Variants in NSD1 observed in about 807,000 individuals in gnomAD.
NSD1 encodes the protein nuclear receptor binding SET domain protein 1.
A neutral mutation model predicts 242.7 loss-of-function variants in NSD1; 26 were observed. That is an observed-to-expected ratio of 0.11 (90% CI 0.08 to 0.15). The LOEUF (loss-of-function observed/expected upper bound fraction) is 0.15. Ranked by LOEUF, NSD1 falls within the 10% of genes least tolerant of loss-of-function variation. The pLI, the probability that NSD1 is intolerant of heterozygous loss-of-function variation, is 1.00. For synonymous variants in NSD1, 1,106 were observed against 1,178.1 expected (o/e 0.94, Z 1.25); for missense variants, 2,495 against 3,272.8 (o/e 0.76, Z 5.80).
chr5:177,231,273 C>T (rs1302756194), intron 5 of NSD1, among the ~76,000 whole-genome samples: 1 of 151,682 alleles, frequency 6.6e-6, no homozygotes, highest in Non-Finnish European at 1.5e-5. Flanking sequence ...TTTGTAGGGA[C>T]GAGGTCTCGC....
At chr5:177,259,866 G>A in intron 13 of NSD1, 123 bp from the exon 14 acceptor site, 1 of 1,034,300 alleles carries the variant, frequency 9.7e-7, no homozygotes, top group South Asian at 1.4e-5. Flanking sequence ...CATCATCTTA[G>A]TGGTCATTCC....
intron 2 of NSD1, among the ~76,000 whole-genome samples, chr5:177,186,466 A>G (rs894525280): frequency 1.3e-5 from 2 of 152,098 alleles, no homozygotes; most frequent in East Asian, 3.9e-4. Flanking sequence ...GTTTTTTTAA[A>G]AAATCCTCAG....
intron 2 of NSD1, among the ~76,000 whole-genome samples, chr5:177,160,881 G>C (rs2149788869): frequency 6.6e-6 from 1 of 151,784 alleles, no homozygotes; most frequent in South Asian, 2.1e-4. Context: ...CAGTTCTCAT[G>C]CCTCAGCCTC....
At chr5:177,183,921 A>G (rs1760897096) in intron 2 of NSD1, among the ~76,000 whole-genome samples, 1 of 152,190 alleles carries the variant, frequency 6.6e-6, no homozygotes. Context: ...TATTTCATCT[A>G]ACATAATGAT....
intron 2 of NSD1, among the ~76,000 whole-genome samples, chr5:177,152,709 C>T (rs1757826501): frequency 6.6e-6 from 1 of 151,792 alleles, no homozygotes; most frequent in Non-Finnish European, 1.5e-5. Flanking sequence ...TGTGATCCGC[C>T]CGCCTCTGCT....
rs576132551 is a variant in NSD1, at chr5:177,297,141, C to A, written c.*1682C>A. 1.7e-5 allele frequency: 4 copies of A among 232,794 alleles called. No homozygotes were observed. The highest frequency in any genetic ancestry group is 1.2e-4 in the East Asian group (2 of 16,536). The allele number at this position is 232,794 out of a possible 1,614,324, so 14.4% of individuals were successfully genotyped here. On this transcript the variant is annotated 3_prime_UTR_variant, in exon 23 of 23. Transcript: ENST00000439151. ...CCAAAGTCTGTCTCTGAGGTTGAGA[C>A]ACTTGAACTCAGGCAGAGGGACGAG... is the stretch of plus-strand genomic sequence containing the variant.
Position 177,293,897 on chromosome 5 carries a change from A to T in NSD1, c.6529A>T (p.Met2177Leu). 1 of 1,614,102 alleles carries T rather than the reference A, an allele frequency of 6.2e-7. No individual in the cohort carries two copies. The highest frequency in any genetic ancestry group is 8.5e-7 in the Non-Finnish European group (1 of 1,180,022). The change falls in exon 23 of 23, where the codon ATG (methionine) becomes TTG (leucine). Residue 2177 changes from methionine to leucine, a missense_variant. Coordinates refer to ENST00000439151, the MANE Select transcript of NSD1 (RefSeq NM_022455.5). ...GAAGGAAGCAGCCTCCTTCTGTGAG[A>T]TGTGCCCCAGCTCCTTTTGTAAGCA... Reference protein sequence around the residue: ...CGKEAASFCEMCPSSFCKQHR... With the variant: ...CGKEAASFCELCPSSFCKQHR...
intron 13 of NSD1, 111 bp downstream of exon 13, chr5:177,257,262 G>T: frequency 2.2e-6 from 2 of 928,138 alleles, no homozygotes; most frequent in Non-Finnish European, 3.2e-6. Context: ...ACAGAGTCTC[G>T]CTGTGTTGCC....
At position 177,293,710 on chromosome 5, in the gene NSD1, T is replaced by C. The variant is rs555996964; in HGVS notation, c.6464-122T>C. On this transcript the variant is annotated intron_variant, in intron 22 of 22. Coordinates refer to ENST00000439151, the MANE Select transcript of NSD1 (RefSeq NM_022455.5). ...GGTGGCTGGTGAGTGGCATAAGCTC[T>C]CTGAAGCAGGGACAGTGTGAAGGAA... is the stretch of plus-strand genomic sequence containing the variant. 2.3e-5 allele frequency: 25 copies of C among 1,086,786 alleles called. No individual in the cohort carries two copies. In the East Asian group the frequency reaches 4.6e-4, roughly 20 times the overall value. The allele number at this position is 1,086,786 out of a possible 1,614,324, so 67.3% of individuals were successfully genotyped here.
At chr5:177,213,035 C>T (rs1763484227) in intron 5 of NSD1, among the ~76,000 whole-genome samples, 1 of 152,116 alleles carries the variant, frequency 6.6e-6, no homozygotes, top group African/African-American at 2.4e-5. Context: ...TTCTGTAGTA[C>T]TTATTTGAAG....
intron 2 of NSD1, among the ~76,000 whole-genome samples, chr5:177,147,085 CCAT>C (rs1757312147): frequency 6.6e-6 from 1 of 151,882 alleles, no homozygotes; most frequent in African/African-American, 2.4e-5. Flanking sequence ...AAAACTACAT[CCAT>C]CGTCTTCTTG....
intron 15 of NSD1, among the ~76,000 whole-genome samples, chr5:177,268,751 AATT>A (rs1167435491): frequency 9.2e-5 from 14 of 152,094 alleles, no homozygotes; most frequent in Non-Finnish European, 2.1e-4. Flanking sequence ...TATGTAAAGG[AATT>A]ATTGTTGATA....
chr5:177,258,847 G>GTTTGT (rs904499962), intron 13 of NSD1, among the ~76,000 whole-genome samples: 3 of 151,082 alleles, frequency 2.0e-5, no homozygotes, highest in South Asian at 2.1e-4. Flanking sequence ...GTGTTTTTTT[G>GTTTGT]TTTGTTTTGT....
At chr5:177,196,362 G>A (rs959715885) in intron 3 of NSD1, among the ~76,000 whole-genome samples, 1 of 152,162 alleles carries the variant, frequency 6.6e-6, no homozygotes. Flanking sequence ...TGTGTTAGAA[G>A]GGGACCACAA....
intron 4 of NSD1, 137 bp from the exon 5 acceptor site, chr5:177,209,499 A>AGCC: frequency 1.5e-6 from 1 of 673,554 alleles, no homozygotes. Flanking sequence ...ACTGCACTCC[A>AGCC]GCCTGGGCGA....
At position 177,210,352 on chromosome 5, in the gene NSD1, C is replaced by T; in HGVS notation, c.1953C>T (p.Pro651=). 1 of 1,614,092 alleles carries T rather than the reference C, an allele frequency of 6.2e-7. No individual in the cohort carries two copies. Among genetic ancestry groups the T allele is most frequent in the Non-Finnish European group, 8.5e-7 (1 of 1,180,036 alleles). ...TSDDGSSDLD[P]IEHSSESDNS... is the part of the protein sequence containing the mutation. ...ATGATGGAAGCAGTGACCTGGATCC[C>T]ATAGAACACAGCTCAGAGTCTGATA... The change falls in exon 5 of 23, where the codon CCC becomes CCT. Residue 651 remains proline (P), a synonymous_variant. Transcript: ENST00000439151.
chr5:177,197,038 G>A (rs921636975), intron 3 of NSD1, among the ~76,000 whole-genome samples: 2 of 151,832 alleles, frequency 1.3e-5, no homozygotes, highest in African/African-American at 2.4e-5. Flanking sequence ...AATCCGAGGC[G>A]GGCGGATCAC....
At chr5:177,273,212 G>A (rs1246192995) in intron 16 of NSD1, among the ~76,000 whole-genome samples, 3 of 149,194 alleles carry the variant, frequency 2.0e-5, no homozygotes, top group African/African-American at 4.9e-5. Context: ...CTCATCTAAC[G>A]CACAGTTGTC....
At chr5:177,286,204 A>T (rs1759314998) in intron 20 of NSD1, among the ~76,000 whole-genome samples, 1 of 152,190 alleles carries the variant, frequency 6.6e-6, no homozygotes, top group African/African-American at 2.4e-5. Flanking sequence ...CACTCAGTGT[A>T]CTTTTTTCTC....
Sources: gnomAD v4.1 joint callset for allele counts (sites outside exome capture counted in the v4.1 genomes callset) on GRCh38, gnomAD v4.1.1 for gene constraint, MANE v1.5 for transcripts, NCBI Gene and HGNC (gene_info 2026-07-23, HGNC 2026-07-21) for gene names.